Variants in WDR12 observed in about 807,000 individuals in gnomAD.
WDR12 encodes WD repeat domain 12, also known as ribosome biogenesis protein WDR12.
In WDR12, 42 loss-of-function variants were observed where a neutral mutation model predicts 64.3. The observed-to-expected ratio is 0.65, with a 90% confidence interval of 0.51 to 0.84. The LOEUF (loss-of-function observed/expected upper bound fraction) is 0.84. WDR12 is among the 40% of genes least tolerant of loss of function. The pLI is 0.00. For missense variants in WDR12, 469 were observed against 494.6 expected (o/e 0.95, Z 0.49); for synonymous variants, 158 against 173.3 (o/e 0.91, Z 0.70).
chr2:202,907,997 A>C (rs148100538), intron 1 of WDR12, 38 bp from the exon 2 acceptor site: 4 of 1,563,122 alleles, frequency 2.6e-6, no homozygotes, highest in Non-Finnish European at 3.5e-6. Flanking sequence ...TCAAGTCTAC[A>C]GATATTTGAA....
At chr2:202,908,708 A>G (rs538306663) in intron 1 of WDR12, among the ~76,000 whole-genome samples, 122 of 152,342 alleles carry the variant, frequency 8.0e-4, no homozygotes, top group African/African-American at 2.8e-3. Context: ...AGTGCAAATT[A>G]GAAGTATCAT....
chr2:202,895,760 C>T (rs1346433611), intron 6 of WDR12, among the ~76,000 whole-genome samples: 2 of 150,412 alleles, frequency 1.3e-5, no homozygotes, highest in Non-Finnish European at 3.0e-5. Flanking sequence ...GAACTCCTGA[C>T]CTCAGGTGAT....
At chr2:202,908,739 C>T (rs1307201550) in intron 1 of WDR12, among the ~76,000 whole-genome samples, 3 of 152,146 alleles carry the variant, frequency 2.0e-5, no homozygotes, top group African/African-American at 4.8e-5. Context: ...TTAGTTAGAT[C>T]TTTCTGGCTG....
intron 11 of WDR12, 40 bp from the exon 12 acceptor site, chr2:202,882,823 G>T: frequency 6.3e-7 from 1 of 1,582,216 alleles, no homozygotes; most frequent in Non-Finnish European, 8.7e-7. Context: ...TGCATTCACA[G>T]TGTTAAAACA....
intron 2 of WDR12, among the ~76,000 whole-genome samples, chr2:202,904,138 C>CAAAAAAAAAAAAAAAAAAA (rs34378996): frequency 1.8e-3 from 68 of 38,512 alleles, no homozygotes; most frequent in African/African-American, 2.0e-3. Context: ...AACTCTGTCT[C>CAAAAAAAAAAAAAAAAAAA]AAAAAAAAAA....
At position 202,880,828 on chromosome 2, in the gene WDR12, A is replaced by G; in HGVS notation, c.*32T>C. 6.3e-7 allele frequency: 1 copy of G among 1,584,338 alleles called. No individual in the cohort carries two copies. ...GTTCTCTACCAATTTCATTTACAGAAATAATCTCTATAGTCAAATTATTGT... is the reference window on the plus strand; with the variant it reads ...GTTCTCTACCAATTTCATTTACAGAGATAATCTCTATAGTCAAATTATTGT... On this transcript the variant is annotated 3_prime_UTR_variant, in exon 13 of 13. Coordinates refer to ENST00000261015, the MANE Select transcript of WDR12 (RefSeq NM_018256.4).
In WDR12 at chr2:202,884,467, T is replaced by G; in HGVS notation, c.810A>C (p.Glu270Asp). The stretch of plus-strand genomic sequence containing the variant: ...TATGGTCCCAAGATGCACTGCAGAT[T>G]TCTTCAGCATCTGACCACAGAACTG... ...VSSVLWSDAE[E>D]ICSASWDHTI... is the part of the protein sequence containing the mutation. Residue 270 changes from glutamate to aspartate, a missense_variant, in exon 9 of 13, where the codon GAA (glutamate) becomes GAC (aspartate). Physicochemically the swap from Glu to Asp is conservative, Grantham distance 45. Transcript: ENST00000261015. 2 of 1,614,224 alleles carry G rather than the reference T, an allele frequency of 1.2e-6. No individual in the cohort carries two copies. Among genetic ancestry groups the G allele is most frequent in the Non-Finnish European group, 1.7e-6 (2 of 1,180,038 alleles).
At chr2:202,894,769 G>T in intron 6 of WDR12, 143 bp from the exon 7 acceptor site, 1 of 590,644 alleles carries the variant, frequency 1.7e-6, no homozygotes, top group Non-Finnish European at 2.8e-6. Context: ...TCCAGGGGCA[G>T]ATAGGACAGA....
At chr2:202,896,441 G>A (rs1402987564) in intron 5 of WDR12, among the ~76,000 whole-genome samples, 1 of 152,200 alleles carries the variant, frequency 6.6e-6, no homozygotes, top group Non-Finnish European at 1.5e-5. Context: ...TGTAAATACT[G>A]ACATTTTGGG....
At chr2:202,901,296 T>C (rs1185644646) in intron 2 of WDR12, among the ~76,000 whole-genome samples, 177 bp from the exon 3 acceptor site, 8 of 152,236 alleles carry the variant, frequency 5.3e-5, no homozygotes, top group Non-Finnish European at 8.8e-5. Context: ...TTTACTGTTG[T>C]TGGTGTAATT....
At chr2:202,902,610 G>A (rs1688368650) in intron 2 of WDR12, among the ~76,000 whole-genome samples, 1 of 152,162 alleles carries the variant, frequency 6.6e-6, no homozygotes, top group Admixed American at 6.5e-5. Context: ...TGAACTCCAA[G>A]TTCTACAGCT....
chr2:202,893,737 G>A (rs1255940162), intron 7 of WDR12, among the ~76,000 whole-genome samples: 1 of 152,132 alleles, frequency 6.6e-6, no homozygotes, highest in African/African-American at 2.4e-5. Context: ...CTATGGGTGT[G>A]TGTTTTTTCC....
intron 4 of WDR12, among the ~76,000 whole-genome samples, chr2:202,899,032 GTTTTTTTT>G (rs779419072): frequency 1.8e-4 from 13 of 73,676 alleles, no homozygotes; most frequent in African/African-American, 7.0e-4. Flanking sequence ...AATACCTGTG[GTTTTTTTT>G]TTTTTTTTTT....
In WDR12 at chr2:202,896,052, T is replaced by G; in HGVS notation, c.609+13A>C. On this transcript the variant is annotated intron_variant, in intron 6 of 12. Transcript: ENST00000261015. ...AAATTTAACAGAGTACTAATAATAT[T>G]CTAGCTACTTACTTTAGTTCCTGAG... 1 of 1,609,102 alleles carries G rather than the reference T, an allele frequency of 6.2e-7. No homozygotes were observed. The highest frequency in any genetic ancestry group is 1.7e-4 in the Middle Eastern group (1 of 6,022).
chr2:202,908,099 A>T (rs1688496013), intron 1 of WDR12, 140 bp from the exon 2 acceptor site: 2 of 753,066 alleles, frequency 2.7e-6, no homozygotes, highest in Non-Finnish European at 4.5e-6. Context: ...ACAAAAATGA[A>T]TTAAAACATG....
rs558026793 is a variant in WDR12, at chr2:202,883,038, C to T, written c.1122-255G>A. Among the ~76,000 whole-genome samples the T allele has an allele frequency of 3.3e-5, 5 of 152,190 alleles. No homozygotes were observed. The East Asian group carries it at 5.8e-4, about 18-fold the overall frequency. On this transcript the variant is annotated intron_variant, in intron 11 of 12. Coordinates refer to ENST00000261015, the MANE Select transcript of WDR12 (RefSeq NM_018256.4). ...TTTTAAGAATTTATTTATAATTAGG[C>T]CCATTTTCACACTTCCTTGACTACT...
chr2:202,893,038 T>A (rs1032946765), intron 7 of WDR12, among the ~76,000 whole-genome samples: 2 of 152,112 alleles, frequency 1.3e-5, no homozygotes, highest in East Asian at 1.9e-4. Context: ...AGTTATGACA[T>A]TACATTTACA....
rs1274218242 is a variant in WDR12 at position 202,878,256 on chromosome 2, AT to A, written c.*2603del. The A allele has an allele frequency of 3.5e-4, 54 of 152,314 alleles. No individual in the cohort carries two copies. The highest frequency in any genetic ancestry group is 1.3e-3 in the African/African-American group (52 of 41,564). 9.4% of individuals were successfully genotyped at this position (152,314 alleles called of 1,614,324 possible). A position where few individuals can be genotyped will look rare whatever the true frequency, so the allele number is the denominator to read the frequency against. The stretch of plus-strand genomic sequence containing the variant: ...TTCTTTATCTTTAACCATCTAGTTT[AT>A]ACAGACTACATTCGGTCAGCCTAGG... On this transcript the variant is annotated 3_prime_UTR_variant, in exon 13 of 13. Coordinates refer to ENST00000261015, the MANE Select transcript of WDR12 (RefSeq NM_018256.4).
In WDR12 at chr2:202,880,855, C is replaced by A; in HGVS notation, c.*5G>T. On this transcript the variant is annotated 3_prime_UTR_variant, in exon 13 of 13. Coordinates refer to ENST00000261015, the MANE Select transcript of WDR12 (RefSeq NM_018256.4). ...TAATCTCTATAGTCAAATTATTGTTCACTTTCATGCCCCAACATGGGAAGT... is the reference window on the plus strand; with the variant it reads ...TAATCTCTATAGTCAAATTATTGTTAACTTTCATGCCCCAACATGGGAAGT... 1 of 1,606,140 alleles carries A rather than the reference C, an allele frequency of 6.2e-7. No individual in the cohort carries two copies. Among genetic ancestry groups the A allele is most frequent in the South Asian group, 1.1e-5 (1 of 89,242 alleles).
Sources: gnomAD v4.1 joint callset for allele counts (sites outside exome capture counted in the v4.1 genomes callset) on GRCh38, gnomAD v4.1.1 for gene constraint, MANE v1.5 for transcripts, NCBI Gene and HGNC (gene_info 2026-07-23, HGNC 2026-07-21) for gene names.